The following STIM2 variants were observed in gnomAD, a reference collection of about 807,000 sequenced individuals.
STIM2 encodes stromal interaction molecule 2.
In STIM2, 31 loss-of-function variants were observed where a neutral mutation model predicts 85.8. The observed-to-expected ratio is 0.36, with a 90% CI of 0.27 to 0.49. STIM2 has a LOEUF of 0.49. STIM2 is among the 20% of genes least tolerant of loss of function. STIM2 has a pLI of 0.98. For missense variants in STIM2, 841 were observed against 927.6 expected (o/e 0.91, Z 1.21); for synonymous variants, 356 against 331.1 (o/e 1.08, Z -0.82).
At chr4:26,911,273 A>C (rs1724328633) in intron 1 of STIM2, among the ~76,000 whole-genome samples, 1 of 152,020 alleles carries the variant, frequency 6.6e-6, no homozygotes, top group Admixed American at 6.5e-5. Flanking sequence ...AATGAAATAA[A>C]ATAAAAAAAA....
chr4:26,893,752 A>C (rs1723587778), intron 1 of STIM2, among the ~76,000 whole-genome samples: 1 of 136,548 alleles, frequency 7.3e-6, no homozygotes, highest in Non-Finnish European at 1.5e-5. Flanking sequence ...AGTGTCACGA[A>C]CATTGGTATT....
chr4:26,962,483 A>G (rs766733799), intron 3 of STIM2, among the ~76,000 whole-genome samples: 2 of 152,108 alleles, frequency 1.3e-5, no homozygotes, highest in South Asian at 2.1e-4. Context: ...AATGTTGTCA[A>G]CTGTGGGAAA....
intron 7 of STIM2, among the ~76,000 whole-genome samples, chr4:27,003,451 G>C (rs889386351): frequency 6.6e-6 from 1 of 152,118 alleles, no homozygotes; most frequent in African/African-American, 2.4e-5. Flanking sequence ...GAACTTCTCT[G>C]CAAAGGTAAA....
At chr4:27,004,951 G>C (rs945965459) in intron 7 of STIM2, among the ~76,000 whole-genome samples, 5 of 152,188 alleles carry the variant, frequency 3.3e-5, no homozygotes, top group African/African-American at 1.2e-4. Context: ...ATTTACAAAT[G>C]AGCTGTGTAG....
intron 1 of STIM2, among the ~76,000 whole-genome samples, chr4:26,913,979 A>G (rs930788469): frequency 1.1e-4 from 17 of 152,216 alleles, no homozygotes; most frequent in Non-Finnish European, 5.9e-5. Context: ...GCTATCTTAC[A>G]TAGGGAAATA....
At chr4:26,911,878 T>TA (rs1464554901) in intron 1 of STIM2, among the ~76,000 whole-genome samples, 1 of 152,160 alleles carries the variant, frequency 6.6e-6, no homozygotes, top group African/African-American at 2.4e-5. Context: ...TTAATCCTGT[T>TA]ATGTGCTAGG....
At chr4:26,915,514 C>T (rs1019982780) in intron 1 of STIM2, among the ~76,000 whole-genome samples, 34 of 151,668 alleles carry the variant, frequency 2.2e-4, no homozygotes, top group African/African-American at 8.0e-4. Flanking sequence ...GGATTACAGG[C>T]GTTGAGCCAC....
rs1447998793 is a variant in STIM2, at chr4:26,861,198, C to T, written c.-21C>T. On this transcript the variant is annotated 5_prime_UTR_variant, in exon 1 of 12. Coordinates refer to ENST00000467087, the MANE Select transcript of STIM2 (RefSeq NM_020860.4). ...TGGCCCAGCGTGGGGCTGGCTGCTG[C>T]GGCGGCGGCGCTGGGCTGCGTTGCT... The T allele has an allele frequency of 2.1e-6, 3 of 1,446,894 alleles. No homozygotes were observed. Among genetic ancestry groups the T allele is most frequent in the East Asian group, 2.9e-5 (1 of 34,052 alleles). The allele number at this position is 1,446,894 out of a possible 1,614,324, so 89.6% of individuals were successfully genotyped here.
chr4:26,911,521 A>G (rs1047435803), intron 1 of STIM2, among the ~76,000 whole-genome samples: 1 of 152,190 alleles, frequency 6.6e-6, no homozygotes, highest in Admixed American at 6.5e-5. Context: ...CCATAATTAG[A>G]GAACATCTGC....
chr4:26,986,422 A>G (rs1727588276), intron 3 of STIM2, among the ~76,000 whole-genome samples: 1 of 152,214 alleles, frequency 6.6e-6, no homozygotes, highest in African/African-American at 2.4e-5. Flanking sequence ...GAAAAGTTAT[A>G]TGGTAGTACT....
intron 2 of STIM2, among the ~76,000 whole-genome samples, chr4:26,939,416 A>T (rs1725516107): frequency 6.6e-6 from 1 of 152,164 alleles, no homozygotes; most frequent in Admixed American, 6.6e-5. Context: ...AATATTGATG[A>T]CATGCTTTGT....
intron 4 of STIM2, among the ~76,000 whole-genome samples, chr4:26,995,785 A>G (rs988546538): frequency 6.6e-6 from 1 of 152,056 alleles, no homozygotes; most frequent in Non-Finnish European, 1.5e-5. Flanking sequence ...TGGCCAATCT[A>G]AGAAAAACTT....
At chr4:26,904,977 A>G (rs1002829041) in intron 1 of STIM2, among the ~76,000 whole-genome samples, 4 of 152,154 alleles carry the variant, frequency 2.6e-5, no homozygotes, top group Non-Finnish European at 5.9e-5. Flanking sequence ...GAAAGTGTAG[A>G]CAGTGGATGG....
At chr4:26,992,132 G>A (rs946082576) in intron 3 of STIM2, among the ~76,000 whole-genome samples, 1 of 151,928 alleles carries the variant, frequency 6.6e-6, no homozygotes, top group Non-Finnish European at 1.5e-5. Context: ...TACCCCAAAA[G>A]CTATTGAAAT....
chr4:26,868,396 A>G (rs942806100), intron 1 of STIM2, among the ~76,000 whole-genome samples: 1 of 152,144 alleles, frequency 6.6e-6, no homozygotes, highest in Admixed American at 6.5e-5. Context: ...TAAACTTGAC[A>G]TTATATGGAA....
chr4:26,875,790 G>T (rs1264304881), intron 1 of STIM2, among the ~76,000 whole-genome samples: 1 of 151,972 alleles, frequency 6.6e-6, no homozygotes, highest in Non-Finnish European at 1.5e-5. Context: ...CAGACCTTTG[G>T]GAAAAATAGG....
intron 1 of STIM2, among the ~76,000 whole-genome samples, chr4:26,882,341 T>C (rs1015331893): frequency 7.2e-5 from 11 of 152,206 alleles, no homozygotes; most frequent in African/African-American, 1.9e-4. Flanking sequence ...TAATTTTTTT[T>C]CCCCCAATTG....
At chr4:26,968,953 G>T (rs1726831261) in intron 3 of STIM2, among the ~76,000 whole-genome samples, 1 of 152,138 alleles carries the variant, frequency 6.6e-6, no homozygotes, top group South Asian at 2.1e-4. Context: ...CCTACTATGT[G>T]TTAGTGGTAG....
At chr4:26,957,258 T>C (rs1726280352) in intron 2 of STIM2, among the ~76,000 whole-genome samples, 1 of 152,124 alleles carries the variant, frequency 6.6e-6, no homozygotes, top group African/African-American at 2.4e-5. Flanking sequence ...GACACAGCCA[T>C]CCATTTTCCC....
Sources: gnomAD v4.1 joint callset for allele counts (sites outside exome capture counted in the v4.1 genomes callset) on GRCh38, gnomAD v4.1.1 for gene constraint, MANE v1.5 for transcripts, NCBI Gene and HGNC (gene_info 2026-07-23, HGNC 2026-07-21) for gene names.